The following RTCA variants were observed in gnomAD, a reference collection of about 807,000 sequenced individuals.
RTCA encodes the protein RNA terminal phosphate cyclase domain 1.
In RTCA, 37 loss-of-function variants were observed where a neutral mutation model predicts 46.1. The observed-to-expected ratio is 0.80, with a 90% CI of 0.62 to 1.06. The LOEUF (loss-of-function observed/expected upper bound fraction) is 1.06, where lower values mean the gene tolerates loss of function less well. Ranked by LOEUF, RTCA falls within the 50% of genes least tolerant of loss-of-function variation. RTCA has a pLI of 0.00. For missense variants in RTCA, 435 were observed against 455.5 expected, an observed-to-expected ratio of 0.95 and a Z score of 0.41; for synonymous variants, 164 against 158.3, an observed-to-expected ratio of 1.04 and a Z score of -0.27.
Position 100,274,928 on chromosome 1 carries a change from A to G in RTCA, c.578A>G (p.Tyr193Cys), listed in dbSNP as rs777629278. 1 of 1,611,842 alleles carries G rather than the reference A, an allele frequency of 6.2e-7. No individual in the cohort carries two copies. The highest frequency in any genetic ancestry group is 8.5e-7 in the Non-Finnish European group (1 of 1,178,388). Reference protein sequence around the residue: ...LTERGCVTKIYGRAFVAGVLP... With the variant: ...LTERGCVTKICGRAFVAGVLP... Reference sequence around the variant, plus strand: ...GAGCGTGGCTGTGTGACTAAGATATATGGAAGAGCTTTCGTTGCTGGTGTT... The same window carrying G: ...GAGCGTGGCTGTGTGACTAAGATATGTGGAAGAGCTTTCGTTGCTGGTGTT... Residue 193 changes from tyrosine (Y) to cysteine (C), a missense_variant, in exon 6 of 11, where the codon TAT (tyrosine) becomes TGT (cysteine). Tyr to Cys is a radical substitution (Grantham distance 194). Coordinates refer to ENST00000370128, the MANE Select transcript of RTCA (RefSeq NM_003729.4).
intron 6 of RTCA, 110 bp downstream of exon 6, chr1:100,275,075 A>T: frequency 6.0e-6 from 7 of 1,160,968 alleles, no homozygotes; most frequent in Non-Finnish European, 8.4e-6. Context: ...TTAAGGAAAG[A>T]AATAATGTCC....
intron 8 of RTCA, among the ~76,000 whole-genome samples, chr1:100,282,888 C>T (rs2100808321): frequency 6.6e-6 from 1 of 152,338 alleles, no homozygotes; most frequent in Non-Finnish European, 1.5e-5. Context: ...CTTACTGCAA[C>T]CTCTGCCTCC....
In RTCA at chr1:100,266,259, C is replaced by A. The variant is rs1433429024; in HGVS notation, c.-117C>A. On this transcript the variant is annotated 5_prime_UTR_variant, in exon 1 of 11. Transcript: ENST00000370128. The stretch of plus-strand genomic sequence containing the variant: ...GCTTCTTCCGCTTTCTCGTCAGGCT[C>A]CTGCGCCCCAGGCATGAACCAAGGT... The A allele has an allele frequency of 2.5e-6, 3 of 1,207,976 alleles. No homozygotes were observed. The highest frequency in any genetic ancestry group is 5.3e-5 in the East Asian group (2 of 37,642). The allele number at this position is 1,207,976 out of a possible 1,614,324, so 74.8% of individuals were successfully genotyped here.
intron 10 of RTCA, among the ~76,000 whole-genome samples, chr1:100,287,878 C>G (rs1024591410): frequency 2.7e-5 from 4 of 150,544 alleles, no homozygotes; most frequent in Non-Finnish European, 4.4e-5. Context: ...ACTGCAACTT[C>G]TGCCTCCCAG....
intron 8 of RTCA, among the ~76,000 whole-genome samples, chr1:100,284,034 A>T (rs1244171725): frequency 6.6e-6 from 1 of 151,918 alleles, no homozygotes; most frequent in African/African-American, 2.4e-5. Flanking sequence ...TTTATCATAT[A>T]TAATCAAGTA....
At chr1:100,291,198 C>G (rs886778684) in intron 10 of RTCA, among the ~76,000 whole-genome samples, 11 of 152,150 alleles carry the variant, frequency 7.2e-5, no homozygotes, top group Non-Finnish European at 1.2e-4. Context: ...ATGTATACCT[C>G]TGAAGAAGAA....
At chr1:100,286,161 C>T (rs1263063241) in intron 9 of RTCA, among the ~76,000 whole-genome samples, 1 of 152,082 alleles carries the variant, frequency 6.6e-6, no homozygotes, top group African/African-American at 2.4e-5. Flanking sequence ...ACCTCTCAAA[C>T]TTAGCACGTT....
Position 100,285,252 on chromosome 1 carries a change from T to A in RTCA, c.824T>A (p.Ile275Asn). ...KRGVNADKVG[I>N]EAAEMLLANL... ...GGTGTAAATGCAGACAAAGTTGGAA[T>A]TGAAGCTGCCGAAATGCTATTAGCA... Residue 275 changes from isoleucine to asparagine, a missense_variant, in exon 9 of 11, where the codon ATT becomes AAT. Physicochemically the swap from Ile to Asn is moderately radical, Grantham distance 149. Coordinates refer to ENST00000370128, the MANE Select transcript of RTCA (RefSeq NM_003729.4). The A allele has an allele frequency of 6.2e-7, 1 of 1,613,666 alleles. No homozygotes were observed. Among genetic ancestry groups the A allele is most frequent in the Non-Finnish European group, 8.5e-7 (1 of 1,179,720 alleles).
intron 10 of RTCA, 138 bp from the exon 11 acceptor site, chr1:100,291,265 A>G (rs1213274272): frequency 4.5e-5 from 26 of 571,680 alleles, no homozygotes; most frequent in Admixed American, 6.7e-5. Context: ...TTTCTCATCA[A>G]TCATTTGATC....
chr1:100,267,373 C>T, intron 2 of RTCA: 3 of 1,094,094 alleles, frequency 2.7e-6, no homozygotes, highest in Non-Finnish European at 3.6e-6. Context: ...GTTTGCAGCC[C>T]TCCAGTTCAC....
chr1:100,273,516 G>C (rs1350169986), intron 5 of RTCA, 64 bp downstream of exon 5: 8 of 991,890 alleles, frequency 8.1e-6, no homozygotes, highest in Non-Finnish European at 1.0e-5. Context: ...GGAAAAGTTA[G>C]ACCCTTAGAG....
chr1:100,268,353 C>A, intron 3 of RTCA, 58 bp downstream of exon 3: 1 of 1,398,104 alleles, frequency 7.2e-7, no homozygotes, highest in Non-Finnish European at 9.8e-7. Context: ...GGTTTTGCCA[C>A]TTTCTGGGCA....
rs756096540 is a variant in RTCA, at chr1:100,291,550, T to G, written c.*46T>G. On this transcript the variant is annotated 3_prime_UTR_variant, in exon 11 of 11. Coordinates refer to ENST00000370128, the MANE Select transcript of RTCA (RefSeq NM_003729.4). ...TACCTCATTGATATATTGCACTATT[T>G]CATAAATACTATAAAATAATGACTA... 1 of 1,100,314 alleles carries G rather than the reference T, an allele frequency of 9.1e-7. No homozygotes were observed. The highest frequency in any genetic ancestry group is 2.4e-5 in the East Asian group (1 of 41,306). 68.2% of individuals were successfully genotyped at this position (1,100,314 alleles called of 1,614,324 possible).
intron 10 of RTCA, among the ~76,000 whole-genome samples, chr1:100,288,414 A>G (rs1667147910): frequency 6.6e-6 from 1 of 151,730 alleles, no homozygotes; most frequent in Non-Finnish European, 1.5e-5. Flanking sequence ...AAGCATTTTT[A>G]TTATTATTGT....
chr1:100,274,878 A>G lies in RTCA; in HGVS notation c.528A>G (p.Lys176=). 1 of 1,613,618 alleles carries G rather than the reference A, an allele frequency of 6.2e-7. No homozygotes were observed. The highest frequency in any genetic ancestry group is 8.5e-7 in the Non-Finnish European group (1 of 1,179,636). ...GEVIVRMSPV[K]QLNPINLTER... ...TGATTGTTCGAATGTCACCAGTTAA[A>G]CAATTGAACCCTATAAATTTAACTG... The change falls in exon 6 of 11, where the codon AAA becomes AAG. Residue 176 remains lysine, a synonymous_variant. Coordinates refer to ENST00000370128, the MANE Select transcript of RTCA (RefSeq NM_003729.4).
chr1:100,287,849 A>G (rs1667113456), intron 10 of RTCA, among the ~76,000 whole-genome samples: 1 of 149,202 alleles, frequency 6.7e-6, no homozygotes, highest in African/African-American at 2.5e-5. Context: ...GCTGGAGTGC[A>G]ATGGCATGAT....
chr1:100,274,007 A>G (rs1666240978), intron 5 of RTCA, among the ~76,000 whole-genome samples: 1 of 152,096 alleles, frequency 6.6e-6, no homozygotes, highest in African/African-American at 2.4e-5. Context: ...TTTGCTTGTT[A>G]TTCCTTAAAT....
At chr1:100,277,848 CTTTTAATACACA>C (rs1455501536) in intron 8 of RTCA, among the ~76,000 whole-genome samples, 1 of 151,616 alleles carries the variant, frequency 6.6e-6, no homozygotes, top group African/African-American at 2.4e-5. Flanking sequence ...TTTAGTCCCT[CTTTTAATACACA>C]ATCCTCCCAT....
In RTCA at chr1:100,291,401, AG is replaced by A; in HGVS notation, c.1000del. On this transcript the variant is annotated splice_acceptor_variant, in intron 10 of 10. Transcript: ENST00000370128. LOFTEE classifies it high-confidence loss of function. ...ACTTATATACTCCTCTTCTGATTTC[AG>A]GCTAAATTTATTGTGAAGAAATCAG... The A allele has an allele frequency of 6.3e-7, 1 of 1,597,204 alleles. No homozygotes were observed. Among genetic ancestry groups the A allele is most frequent in the Admixed American group, 1.7e-5 (1 of 58,864 alleles).
Sources: allele counts gnomAD v4.1 joint callset (sites outside exome capture counted in the v4.1 genomes callset), GRCh38; gene constraint gnomAD v4.1.1; transcripts MANE v1.5; gene names NCBI Gene and HGNC (gene_info 2026-07-23, HGNC 2026-07-21).